LINGO2: variants seen among roughly 807,000 people sequenced by gnomAD.
The protein encoded by LINGO2 is leucine rich repeat and Ig domain containing 2.
LINGO2 carries 14 observed loss-of-function variants against 30.6 expected under a neutral mutation model. The ratio of observed to expected loss-of-function variants is 0.46; its 90% CI spans 0.30 to 0.72. LINGO2 has a LOEUF of 0.72. Among genes scored for constraint, LINGO2 ranks in the 30% least tolerant of loss-of-function variants. LINGO2 has a pLI of 0.07. For synonymous variants in LINGO2, 317 were observed against 288.5 expected, an observed-to-expected ratio of 1.10 and a Z score of -1.00; for missense variants, 729 against 751.7, an observed-to-expected ratio of 0.97 and a Z score of 0.35.
intron 4 of LINGO2, among the ~76,000 whole-genome samples, chr9:28,100,488 T>C (rs1826381446): frequency 6.6e-6 from 1 of 152,142 alleles, no homozygotes; most frequent in Admixed American, 6.6e-5. Context: ...AATGAACACA[T>C]GCTGATGAGG....
At chr9:28,245,923 A>C (rs998839688) in intron 4 of LINGO2, among the ~76,000 whole-genome samples, 4 of 152,180 alleles carry the variant, frequency 2.6e-5, no homozygotes, top group Admixed American at 6.5e-5. Context: ...AACATTCTTC[A>C]CAGAATTAGA....
intron 2 of LINGO2, among the ~76,000 whole-genome samples, chr9:28,468,521 A>G (rs760189573): frequency 2.0e-5 from 3 of 152,206 alleles, no homozygotes; most frequent in African/African-American, 7.2e-5. Flanking sequence ...ATAATACAGT[A>G]GAACATCTAA....
At chr9:28,421,362 A>AGCAATCTCCAGATTTAAT (rs1016648095) in intron 2 of LINGO2, among the ~76,000 whole-genome samples, 5 of 151,876 alleles carry the variant, frequency 3.3e-5, no homozygotes, top group Non-Finnish European at 5.9e-5. Flanking sequence ...CACTGCCCAA[A>AGCAATCTCCAGATTTAAT]GCAATCTCCA....
At chr9:28,421,407 AT>A (rs34930070) in intron 2 of LINGO2, among the ~76,000 whole-genome samples, 44,745 of 148,408 alleles carry the variant, frequency 0.3, 7,718 homozygotes, top group Non-Finnish European at 0.38. Flanking sequence ...ACCCAAAAGC[AT>A]TTTTTTTGCA....
intron 5 of LINGO2, among the ~76,000 whole-genome samples, chr9:27,968,338 T>G (rs1179872023): frequency 1.3e-5 from 2 of 152,186 alleles, no homozygotes; most frequent in South Asian, 2.1e-4. Flanking sequence ...ATTGTATTAT[T>G]CATGACTCAT....
chr9:29,121,627 A>C, the LINGO2 span, among the ~76,000 whole-genome samples: 2 of 152,186 alleles, frequency 1.3e-5, no homozygotes, highest in African/African-American at 4.8e-5. Flanking sequence ...AAGGGATAAT[A>C]TAAAATTTAC....
At chr9:28,930,151 G>A in the LINGO2 span, among the ~76,000 whole-genome samples, 3 of 152,088 alleles carry the variant, frequency 2.0e-5, no homozygotes, top group African/African-American at 7.2e-5. The surrounding 1 kb of genome is among the most constrained non-coding windows in gnomAD (Gnocchi z 4.2). Context: ...TTGCATTCCT[G>A]TAAGCACACA....
chr9:28,966,729 T>A, the LINGO2 span, among the ~76,000 whole-genome samples: 1 of 152,054 alleles, frequency 6.6e-6, no homozygotes, highest in African/African-American at 2.4e-5. Context: ...CATGAAAGAG[T>A]TTAATGTATT....
intron 1 of LINGO2, among the ~76,000 whole-genome samples, chr9:28,550,540 G>C (rs1041220400): frequency 2.6e-5 from 4 of 151,036 alleles, no homozygotes; most frequent in Non-Finnish European, 5.9e-5. Flanking sequence ...CTTTCAAATT[G>C]TTCTATTATT....
At chr9:29,004,342 C>A in the LINGO2 span, among the ~76,000 whole-genome samples, 1 of 151,846 alleles carries the variant, frequency 6.6e-6, no homozygotes, top group Non-Finnish European at 1.5e-5. Flanking sequence ...ATGCAGACTT[C>A]AATTACCAAT....
At chr9:28,112,046 C>T (rs930489725) in intron 4 of LINGO2, among the ~76,000 whole-genome samples, 5 of 113,808 alleles carry the variant, frequency 4.4e-5, no homozygotes, top group Non-Finnish European at 9.0e-5. Flanking sequence ...TCTCCCAATG[C>T]TATCCCTCCC....
the LINGO2 span, among the ~76,000 whole-genome samples, chr9:29,152,138 G>A: frequency 1.3e-5 from 2 of 152,028 alleles, no homozygotes; most frequent in Non-Finnish European, 2.9e-5. Context: ...TGGTCAGAAT[G>A]GCTATTATTA....
chr9:28,139,639 A>G (rs1827618978), intron 4 of LINGO2, among the ~76,000 whole-genome samples: 1 of 152,196 alleles, frequency 6.6e-6, no homozygotes, highest in Non-Finnish European at 1.5e-5. Flanking sequence ...GTGAGATTTA[A>G]TTTAAAATAT....
At chr9:28,869,232 G>A in the LINGO2 span, among the ~76,000 whole-genome samples, 4 of 152,072 alleles carry the variant, frequency 2.6e-5, no homozygotes, top group Non-Finnish European at 2.9e-5. Context: ...CCATCCTTCA[G>A]GGAGCTCAGA....
chr9:28,072,957 G>T (rs1825523436), intron 4 of LINGO2, among the ~76,000 whole-genome samples: 1 of 151,964 alleles, frequency 6.6e-6, no homozygotes, highest in Admixed American at 6.6e-5. Flanking sequence ...TCCCTCCAGT[G>T]TTCATGGACT....
the LINGO2 span, among the ~76,000 whole-genome samples, chr9:29,134,368 A>G: frequency 6.6e-6 from 1 of 152,134 alleles, no homozygotes; most frequent in South Asian, 2.1e-4. Context: ...TTCAAAATAA[A>G]CATTTTTTTA....
At chr9:28,002,496 C>G (rs1822011758) in intron 5 of LINGO2, among the ~76,000 whole-genome samples, 1 of 152,086 alleles carries the variant, frequency 6.6e-6, no homozygotes, top group South Asian at 2.1e-4. Flanking sequence ...TTCCATTTGT[C>G]CAGATTCCCA....
intron 3 of LINGO2, among the ~76,000 whole-genome samples, chr9:28,350,132 C>A (rs986124250): frequency 1.3e-5 from 2 of 149,372 alleles, no homozygotes; most frequent in Non-Finnish European, 3.0e-5. Flanking sequence ...ATGACAGGAT[C>A]AAATTCACAC....
the LINGO2 span, among the ~76,000 whole-genome samples, chr9:29,034,082 C>CAAAA: frequency 7.1e-6 from 1 of 141,222 alleles, no homozygotes; most frequent in Non-Finnish European, 1.5e-5. Flanking sequence ...GATTCCACCT[C>CAAAA]AAAAAAAAAA....
Sources: allele counts gnomAD v4.1 joint callset (sites outside exome capture counted in the v4.1 genomes callset), GRCh38; gene constraint gnomAD v4.1.1; non-coding constraint Gnocchi (gnomAD v3.1); transcripts MANE v1.5; gene names NCBI Gene and HGNC (gene_info 2026-07-23, HGNC 2026-07-21).